The following CAMTA1 variants were observed in gnomAD, a reference collection of about 807,000 sequenced individuals.
The protein encoded by CAMTA1 is calmodulin binding transcription activator 1, also known as calmodulin-binding transcription activator 1.
In CAMTA1, 27 loss-of-function variants were observed where a neutral mutation model predicts 170.9. That is an observed-to-expected ratio of 0.16 (90% CI 0.12 to 0.22). The LOEUF (loss-of-function observed/expected upper bound fraction) is 0.22, where lower values mean the gene tolerates loss of function less well. Among genes scored for constraint, CAMTA1 ranks in the 10% least tolerant of loss-of-function variants. The pLI is 1.00. For synonymous variants in CAMTA1, 833 were observed against 891.5 expected (o/e 0.93, Z 1.17); for missense variants, 1,619 against 2,217.2 (o/e 0.73, Z 5.42).
intron 12 of CAMTA1, among the ~76,000 whole-genome samples, chr1:7,733,671 C>CA (rs71567312): frequency 0.5 from 75,047 of 151,598 alleles, 18,829 homozygotes; most frequent in Admixed American, 0.6. Flanking sequence ...TCAGTCGTTG[C>CA]AAAAAAAACC....
intron 3 of CAMTA1, among the ~76,000 whole-genome samples, chr1:6,919,305 G>A (rs2149313869): frequency 6.6e-6 from 1 of 152,326 alleles, no homozygotes; most frequent in South Asian, 2.1e-4. Flanking sequence ...GTGGGCCCCA[G>A]AGGCAAGGCA....
chr1:7,290,680 G>A (rs563403189), intron 5 of CAMTA1, among the ~76,000 whole-genome samples: 1 of 151,856 alleles, frequency 6.6e-6, no homozygotes, highest in Non-Finnish European at 1.5e-5. Flanking sequence ...TACTTGCTGC[G>A]ACGTAAATTA....
intron 7 of CAMTA1, among the ~76,000 whole-genome samples, chr1:7,658,545 C>T (rs533485708): frequency 6.6e-6 from 1 of 152,286 alleles, no homozygotes; most frequent in African/African-American, 2.4e-5. Flanking sequence ...AGTCTCAAAT[C>T]CTGCCCTGTG....
intron 6 of CAMTA1, among the ~76,000 whole-genome samples, chr1:7,501,488 T>G (rs1344071669): frequency 6.6e-6 from 1 of 151,676 alleles, no homozygotes; most frequent in Non-Finnish European, 1.5e-5. Flanking sequence ...TGGGTTTTGG[T>G]GGGAAGAGGA....
chr1:7,564,299 C>A (rs987940959), intron 6 of CAMTA1, among the ~76,000 whole-genome samples: 5 of 152,252 alleles, frequency 3.3e-5, no homozygotes, highest in African/African-American at 1.2e-4. Flanking sequence ...CAGCTCTAAT[C>A]TTCCCCTTCC....
intron 3 of CAMTA1, among the ~76,000 whole-genome samples, chr1:7,074,126 C>T (rs561059624): frequency 6.6e-6 from 1 of 152,300 alleles, no homozygotes; most frequent in African/African-American, 2.4e-5. Flanking sequence ...TTACTTTACC[C>T]TCCTGGGGTT....
At chr1:7,590,097 A>C (rs1436909002) in intron 6 of CAMTA1, among the ~76,000 whole-genome samples, 1 of 152,168 alleles carries the variant, frequency 6.6e-6, no homozygotes, top group African/African-American at 2.4e-5. Context: ...CTCCGCCCTG[A>C]ACTTCAACAT....
chr1:7,692,284 G>C (rs1430818367), intron 11 of CAMTA1, among the ~76,000 whole-genome samples: 2 of 152,286 alleles, frequency 1.3e-5, no homozygotes, highest in South Asian at 2.1e-4. Context: ...GCCACCTGGT[G>C]AGAAATCCTC....
At chr1:7,582,878 GC>G (rs1182798248) in intron 6 of CAMTA1, among the ~76,000 whole-genome samples, 1 of 151,956 alleles carries the variant, frequency 6.6e-6, no homozygotes, top group Non-Finnish European at 1.5e-5. Flanking sequence ...CACAATAGCA[GC>G]CTCTCGGTGG....
intron 3 of CAMTA1, among the ~76,000 whole-genome samples, chr1:6,904,031 C>T (rs897802763): frequency 6.6e-6 from 1 of 152,262 alleles, no homozygotes; most frequent in African/African-American, 2.4e-5. Context: ...ATTTATTCTA[C>T]CTTGCTCACT....
intron 3 of CAMTA1, among the ~76,000 whole-genome samples, chr1:6,923,245 G>A (rs1054384095): frequency 6.6e-6 from 1 of 152,120 alleles, no homozygotes; most frequent in Non-Finnish European, 1.5e-5. Flanking sequence ...GGCTGCAGTG[G>A]TATGTGGAAG....
chr1:6,953,027 A>G (rs1688783126), intron 3 of CAMTA1, among the ~76,000 whole-genome samples: 4 of 151,960 alleles, frequency 2.6e-5, no homozygotes, highest in South Asian at 4.2e-4. Context: ...TGCTTGTTTC[A>G]TAACATCGGG....
At chr1:7,423,784 G>C (rs1228676772) in intron 5 of CAMTA1, among the ~76,000 whole-genome samples, 1 of 152,106 alleles carries the variant, frequency 6.6e-6, no homozygotes, top group Non-Finnish European at 1.5e-5. Flanking sequence ...TGTTTGTGCT[G>C]TTAGGATTTT....
chr1:6,953,551 A>G (rs1688885053), intron 3 of CAMTA1, among the ~76,000 whole-genome samples: 1 of 152,228 alleles, frequency 6.6e-6, no homozygotes, highest in South Asian at 2.1e-4. Flanking sequence ...ACCGAAGCCC[A>G]GGCCCCGCAG....
chr1:7,707,182 C>T (rs1002303429), intron 11 of CAMTA1, among the ~76,000 whole-genome samples: 1 of 152,152 alleles, frequency 6.6e-6, no homozygotes, highest in Non-Finnish European at 1.5e-5. Flanking sequence ...CCGTGCCTGG[C>T]CCAGGCTTTT....
At chr1:7,632,630 T>C (rs758816857) in intron 6 of CAMTA1, among the ~76,000 whole-genome samples, 1 of 152,254 alleles carries the variant, frequency 6.6e-6, no homozygotes, top group African/African-American at 2.4e-5. Context: ...GGGTCCTGGC[T>C]CCAGGCCTCC....
chr1:7,260,569 T>C (rs924417004), intron 5 of CAMTA1, among the ~76,000 whole-genome samples: 17 of 152,346 alleles, frequency 1.1e-4, no homozygotes, highest in Middle Eastern at 6.8e-3. Flanking sequence ...TGTGTTCTCC[T>C]GTCTAGTGGG....
chr1:7,338,133 C>T (rs553195163), intron 5 of CAMTA1, among the ~76,000 whole-genome samples: 1 of 151,880 alleles, frequency 6.6e-6, no homozygotes, highest in East Asian at 1.9e-4. Context: ...ATGGAGGTGC[C>T]ACTTCCTCCT....
intron 6 of CAMTA1, among the ~76,000 whole-genome samples, chr1:7,501,219 T>G (rs1176921490): frequency 6.6e-6 from 1 of 151,892 alleles, no homozygotes; most frequent in Non-Finnish European, 1.5e-5. Context: ...GCCCTTCCAG[T>G]CAGCAGAGCA....
Sources: gnomAD v4.1 joint callset for allele counts (sites outside exome capture counted in the v4.1 genomes callset) on GRCh38, gnomAD v4.1.1 for gene constraint, MANE v1.5 for transcripts, NCBI Gene and HGNC (gene_info 2026-07-23, HGNC 2026-07-21) for gene names.